The following TMEM132C variants were observed in gnomAD, a reference collection of about 807,000 sequenced individuals.
The protein encoded by TMEM132C is protein phosphatase 1, regulatory subunit 152.
In TMEM132C, 29 loss-of-function variants were observed where a neutral mutation model predicts 61.4. The observed-to-expected ratio is 0.47, with a 90% CI of 0.35 to 0.64. The LOEUF is 0.64. Among genes scored for constraint, TMEM132C ranks in the 30% least tolerant of loss-of-function variants. The pLI is 0.00. For missense variants in TMEM132C, 1,408 were observed against 1,476.9 expected, an observed-to-expected ratio of 0.95 and a Z score of 0.76; for synonymous variants, 656 against 633.1, an observed-to-expected ratio of 1.04 and a Z score of -0.54.
chr12:128,558,294 G>C (rs1874397009), intron 3 of TMEM132C, among the ~76,000 whole-genome samples: 1 of 152,186 alleles, frequency 6.6e-6, no homozygotes, highest in African/African-American at 2.4e-5. Flanking sequence ...ACCTTGAATT[G>C]TAGCTCCCAT....
chr12:128,310,763 A>G (rs569262269), intron 1 of TMEM132C, among the ~76,000 whole-genome samples: 118 of 152,314 alleles, frequency 7.7e-4, no homozygotes, highest in African/African-American at 2.7e-3. Context: ...AGAGAAGTTG[A>G]TTAATGGGTA....
intron 2 of TMEM132C, among the ~76,000 whole-genome samples, chr12:128,426,692 C>T (rs927060688): frequency 2.0e-5 from 3 of 152,110 alleles, no homozygotes; most frequent in Admixed American, 6.5e-5. Flanking sequence ...CCTGCTACAT[C>T]CCCTGTCCCC....
chr12:128,397,885 A>G (rs966485886), intron 1 of TMEM132C, among the ~76,000 whole-genome samples: 1 of 152,192 alleles, frequency 6.6e-6, no homozygotes, highest in East Asian at 1.9e-4. Context: ...CACGAGTTTG[A>G]TAAACACAGT....
At position 128,267,570 on chromosome 12, in the gene TMEM132C, CGAG is replaced by C. The variant is rs1226348959; in HGVS notation, c.85+85_85+87del. ...GAGCTCGGGGTGAGGGCAGCCGAAG[CGAG>C]GGGTGCGGCGGGGGCCTCGGCGGGG... On this transcript the variant is annotated intron_variant, in intron 1 of 8. Coordinates refer to ENST00000435159, the MANE Select transcript of TMEM132C (RefSeq NM_001136103.3). The C allele has an allele frequency of 4.6e-6, 5 of 1,088,780 alleles. No individual in the cohort carries two copies. In the African/African-American group the frequency reaches 6.7e-5, roughly 15 times the overall value. The allele number at this position is 1,088,780 out of a possible 1,614,324, so 67.4% of individuals were successfully genotyped here. A position where few individuals can be genotyped will look rare whatever the true frequency, so the allele number is the denominator to read the frequency against.
chr12:128,496,241 C>T (rs911040231), intron 2 of TMEM132C, among the ~76,000 whole-genome samples: 1 of 152,204 alleles, frequency 6.6e-6, no homozygotes, highest in African/African-American at 2.4e-5. Context: ...GGTAACCCGA[C>T]CTTTCTCTTT....
intron 5 of TMEM132C, among the ~76,000 whole-genome samples, chr12:128,676,232 A>G (rs1954585478): frequency 6.6e-6 from 1 of 151,998 alleles, no homozygotes; most frequent in Admixed American, 6.6e-5. Flanking sequence ...CGCACAGAAT[A>G]CTCTTGAGAA....
At chr12:128,648,750 G>A (rs1441983163) in intron 4 of TMEM132C, among the ~76,000 whole-genome samples, 3 of 122,124 alleles carry the variant, frequency 2.5e-5, no homozygotes, top group African/African-American at 3.1e-5. Context: ...GGAGTCCATT[G>A]GCGTTGGATG....
In TMEM132C at chr12:128,527,006, T is replaced by A. The variant is rs4882778; in HGVS notation, c.975-16951T>A. 5.3e-3 allele frequency among the ~76,000 whole-genome samples: 810 copies of A among 152,270 alleles called. 11 individuals carry two copies. The highest frequency in any genetic ancestry group is 0.018 in the African/African-American group (760 of 41,508). On this transcript the variant is annotated intron_variant, in intron 2 of 8. Coordinates refer to ENST00000435159, the MANE Select transcript of TMEM132C (RefSeq NM_001136103.3). The stretch of plus-strand genomic sequence containing the variant: ...GCCCAGGCAGGTGGGCCTCAAAGTA[T>A]ACACTTGTAATCCATGCACCTCACT...
intron 1 of TMEM132C, among the ~76,000 whole-genome samples, chr12:128,373,343 T>C (rs898791762): frequency 4.6e-5 from 7 of 152,174 alleles, no homozygotes; most frequent in Non-Finnish European, 8.8e-5. Flanking sequence ...CTAATTGTAA[T>C]TGGCCAGAAT....
At chr12:128,409,664 C>T (rs1456896637) in intron 1 of TMEM132C, among the ~76,000 whole-genome samples, 1 of 152,150 alleles carries the variant, frequency 6.6e-6, no homozygotes, top group Non-Finnish European at 1.5e-5. Context: ...CCAGAGTGAG[C>T]AGTCTGCGAT....
At chr12:128,276,869 CAT>C (rs1487140111) in intron 1 of TMEM132C, among the ~76,000 whole-genome samples, 4 of 143,254 alleles carry the variant, frequency 2.8e-5, no homozygotes, top group East Asian at 2.1e-4. Context: ...TCAACACACA[CAT>C]GTGTGCATGC....
chr12:128,589,596 A>G (rs1875681295), intron 3 of TMEM132C, among the ~76,000 whole-genome samples: 1 of 133,602 alleles, frequency 7.5e-6, no homozygotes, highest in African/African-American at 2.8e-5. Context: ...ATTCTTTATT[A>G]TCTATTTTAG....
At chr12:128,559,111 AC>A (rs1858700220) in intron 3 of TMEM132C, among the ~76,000 whole-genome samples, 4 of 151,760 alleles carry the variant, frequency 2.6e-5, no homozygotes, top group African/African-American at 9.7e-5. Flanking sequence ...ACACACACAC[AC>A]ACAAACACAC....
At chr12:128,521,936 A>G (rs1342554003) in intron 2 of TMEM132C, among the ~76,000 whole-genome samples, 1 of 152,146 alleles carries the variant, frequency 6.6e-6, no homozygotes, top group Non-Finnish European at 1.5e-5. Flanking sequence ...GGAGGTAAAG[A>G]TTACTGTAGA....
rs531839980 is a variant in TMEM132C at position 128,495,279 on chromosome 12, G to A, written c.975-48678G>A. Among the ~76,000 whole-genome samples the A allele has an allele frequency of 3.2e-4, 49 of 152,218 alleles. 1 individual carries two copies. In the South Asian group the frequency reaches 1.0e-2, roughly 31 times the overall value. ...AACTATGTGGTCACTTTTGGAATAA[G>A]TGTGATGTGGTGCTGAGAAGAACGT... On this transcript the variant is annotated intron_variant, in intron 2 of 8. Transcript: ENST00000435159.
chr12:128,388,976 C>T (rs549555978), intron 1 of TMEM132C, among the ~76,000 whole-genome samples: 1 of 152,192 alleles, frequency 6.6e-6, no homozygotes, highest in South Asian at 2.1e-4. Flanking sequence ...AACAGAAGAC[C>T]GTGACAGTTT....
intron 2 of TMEM132C, among the ~76,000 whole-genome samples, chr12:128,467,569 C>A (rs1333846980): frequency 1.3e-5 from 2 of 152,138 alleles, no homozygotes; most frequent in African/African-American, 4.8e-5. Flanking sequence ...TGAATTGGAA[C>A]AATTCTGCTC....
chr12:128,620,687 A>G (rs928313403), intron 4 of TMEM132C, among the ~76,000 whole-genome samples: 5 of 152,168 alleles, frequency 3.3e-5, no homozygotes, highest in Non-Finnish European at 1.5e-5. Flanking sequence ...AGAAGTGGTG[A>G]GATTTACCTG....
intron 1 of TMEM132C, among the ~76,000 whole-genome samples, chr12:128,369,019 C>T (rs1189492757): frequency 6.6e-6 from 1 of 152,130 alleles, no homozygotes; most frequent in African/African-American, 2.4e-5. Context: ...TTTCAGTGTC[C>T]TGAGAAGGTG....
Sources: allele counts gnomAD v4.1 joint callset (sites outside exome capture counted in the v4.1 genomes callset), GRCh38; gene constraint gnomAD v4.1.1; transcripts MANE v1.5; gene names NCBI Gene and HGNC (gene_info 2026-07-23, HGNC 2026-07-21).